The following NLGN1 variants were observed in gnomAD, a reference collection of about 807,000 sequenced individuals.
NLGN1 encodes neuroligin 1, also known as neuroligin-1.
In NLGN1, 12 loss-of-function variants were observed where a neutral mutation model predicts 65.5. The ratio of observed to expected loss-of-function variants is 0.18; its 90% CI spans 0.12 to 0.30. The LOEUF is 0.30. Among genes scored for constraint, NLGN1 ranks in the 10% least tolerant of loss-of-function variants. NLGN1 has a pLI of 1.00. For synonymous variants in NLGN1, 350 were observed against 359.5 expected (o/e 0.97, Z 0.30); for missense variants, 750 against 1,007.1 (o/e 0.74, Z 3.46).
At chr3:174,092,494 C>T (rs1464967612) in intron 4 of NLGN1, among the ~76,000 whole-genome samples, 1 of 150,470 alleles carries the variant, frequency 6.6e-6, no homozygotes, top group African/African-American at 2.5e-5. Context: ...ACACTTGTCA[C>T]AACAATTTGC....
intron 4 of NLGN1, among the ~76,000 whole-genome samples, chr3:174,023,164 A>G (rs1298996176): frequency 3.3e-5 from 5 of 152,168 alleles, no homozygotes; most frequent in African/African-American, 1.2e-4. Context: ...TCCCTGCTGC[A>G]GCTCACATTG....
In NLGN1 at chr3:173,939,822, C is replaced by T. The variant is rs373719957; in HGVS notation, c.646+131990C>T. Among the ~76,000 whole-genome samples, 16 of 151,988 alleles carry T rather than the reference C, an allele frequency of 1.1e-4. No individual in the cohort carries two copies. The East Asian group carries it at 2.9e-3, about 28-fold the overall frequency. ...TTGTTTTTGTTTTTGTTTTGCCTCG[C>T]TGATGCCTAAAATATCTAATCAAGA... On this transcript the variant is annotated intron_variant, in intron 4 of 6. Coordinates refer to ENST00000457714, the Ensembl canonical transcript of NLGN1.
chr3:173,445,259 C>T (rs1239072856), intron 2 of NLGN1, among the ~76,000 whole-genome samples: 1 of 106,894 alleles, frequency 9.4e-6, no homozygotes, highest in Non-Finnish European at 1.8e-5. Context: ...CAGAGCGAGA[C>T]TCCGTCTCAA....
rs184045038 is a variant in NLGN1 at position 174,122,426 on chromosome 3, T to C, written c.647-152889T>C. Among the ~76,000 whole-genome samples, 272 of 152,322 alleles carry C rather than the reference T, an allele frequency of 1.8e-3. 1 individual carries two copies. The highest frequency in any genetic ancestry group is 6.1e-3 in the African/African-American group (254 of 41,578). On this transcript the variant is annotated intron_variant, in intron 4 of 6. Coordinates refer to ENST00000457714, the Ensembl canonical transcript of NLGN1. ...GGAACTGTAACATTGCTGCACACTT[T>C]CTTGCTTTAACTGAAAGACAGGTTA... is the stretch of plus-strand genomic sequence containing the variant.
At chr3:174,128,984 C>G (rs148677856) in intron 4 of NLGN1, among the ~76,000 whole-genome samples, 1 of 152,044 alleles carries the variant, frequency 6.6e-6, no homozygotes, top group Non-Finnish European at 1.5e-5. Context: ...GAGAGCAGAA[C>G]GTTGCATCTG....
chr3:173,482,057 C>T (rs748328491), intron 2 of NLGN1, among the ~76,000 whole-genome samples: 26 of 151,910 alleles, frequency 1.7e-4, no homozygotes, highest in Non-Finnish European at 3.7e-4. Flanking sequence ...AATCCCTCTC[C>T]ACTCTCCCTA....
At chr3:173,452,639 A>G (rs1372235671) in intron 2 of NLGN1, among the ~76,000 whole-genome samples, 1 of 152,232 alleles carries the variant, frequency 6.6e-6, no homozygotes, top group South Asian at 2.1e-4. Flanking sequence ...TTATCATTCC[A>G]TAGTAGAGAC....
Position 173,635,023 on chromosome 3 carries a change from C to T in NLGN1, c.493+29932C>T, listed in dbSNP as rs1756357024. On this transcript the variant is annotated intron_variant, in intron 3 of 6. Coordinates refer to ENST00000457714, the Ensembl canonical transcript of NLGN1. Reference sequence around the variant, plus strand: ...ATTTTTAATCTCTTCTAAAATATAACACATGTAGCACATGTAAAAAAAAGT... The same window carrying T: ...ATTTTTAATCTCTTCTAAAATATAATACATGTAGCACATGTAAAAAAAAGT... Among the ~76,000 whole-genome samples, 3 of 152,140 alleles carry T rather than the reference C, an allele frequency of 2.0e-5. No homozygotes were observed. In the South Asian group the frequency reaches 6.2e-4, roughly 32 times the overall value.
At chr3:173,945,302 C>T (rs541543189) in intron 4 of NLGN1, among the ~76,000 whole-genome samples, 1 of 152,170 alleles carries the variant, frequency 6.6e-6, no homozygotes, top group South Asian at 2.1e-4. Context: ...TTTCCTCCTA[C>T]ACCTCTATCC....
chr3:174,080,953 G>T (rs1742052337), intron 4 of NLGN1, among the ~76,000 whole-genome samples: 1 of 151,404 alleles, frequency 6.6e-6, no homozygotes, highest in African/African-American at 2.4e-5. Flanking sequence ...GTGTGTGTGT[G>T]TGTGGTGATA....
chr3:174,032,890 G>A (rs1407799430), intron 4 of NLGN1, among the ~76,000 whole-genome samples: 1 of 151,890 alleles, frequency 6.6e-6, no homozygotes, highest in South Asian at 2.1e-4. Context: ...CCCCAACAGG[G>A]GTCAGAGATT....
intron 3 of NLGN1, among the ~76,000 whole-genome samples, chr3:173,775,162 T>C (rs1780123739): frequency 6.6e-6 from 1 of 152,192 alleles, no homozygotes. Context: ...TTATAAGAAA[T>C]ACTGGATTTA....
chr3:173,963,101 C>T (rs1464581892), intron 4 of NLGN1, among the ~76,000 whole-genome samples: 1 of 151,948 alleles, frequency 6.6e-6, no homozygotes, highest in Non-Finnish European at 1.5e-5. Context: ...GTGTTCCAGG[C>T]CTTTAAAATG....
intron 4 of NLGN1, among the ~76,000 whole-genome samples, chr3:174,059,826 G>A (rs1737010971): frequency 6.6e-6 from 1 of 152,104 alleles, no homozygotes; most frequent in Admixed American, 6.6e-5. Flanking sequence ...TATACGGCTA[G>A]CAAGTTTCTG....
rs563389664 is a variant in NLGN1 at position 174,268,316 on chromosome 3, A to G, written c.647-6999A>G. Among the ~76,000 whole-genome samples, 6 of 152,276 alleles carry G rather than the reference A, an allele frequency of 3.9e-5. No homozygotes were observed. The East Asian group carries it at 9.7e-4, about 25-fold the overall frequency. On this transcript the variant is annotated intron_variant, in intron 4 of 6. Coordinates refer to ENST00000457714, the Ensembl canonical transcript of NLGN1. Reference sequence around the variant, plus strand: ...AATACCAGGTTTGTTGTCCAGATGCATATAGACAGGAAGTACACAATAGCC... The same window carrying G: ...AATACCAGGTTTGTTGTCCAGATGCGTATAGACAGGAAGTACACAATAGCC...
chr3:174,019,224 A>G (rs1037102930), intron 4 of NLGN1, among the ~76,000 whole-genome samples: 2 of 152,162 alleles, frequency 1.3e-5, no homozygotes, highest in African/African-American at 2.4e-5. Flanking sequence ...CTCACATTTC[A>G]TGTATTGGAA....
intron 2 of NLGN1, among the ~76,000 whole-genome samples, chr3:173,457,882 A>G (rs1471069931): frequency 1.3e-5 from 2 of 152,074 alleles, no homozygotes; most frequent in African/African-American, 2.4e-5. Flanking sequence ...AAGTAGAAGC[A>G]TGTATTTTGC....
Position 174,126,728 on chromosome 3 carries a change from A to G in NLGN1, c.647-148587A>G, listed in dbSNP as rs567100934. Among the ~76,000 whole-genome samples, 3 of 152,224 alleles carry G rather than the reference A, an allele frequency of 2.0e-5. No individual in the cohort carries two copies. In the South Asian group the frequency reaches 6.2e-4, roughly 32 times the overall value. ...ATATTGGAAAACTAGACCCTTGAAA[A>G]TCACCAACTACTGGAGGACAACTTC... is the stretch of plus-strand genomic sequence containing the variant. On this transcript the variant is annotated intron_variant, in intron 4 of 6. Transcript: ENST00000457714.
At chr3:173,824,263 A>G (rs1433228863) in intron 4 of NLGN1, among the ~76,000 whole-genome samples, 1 of 152,140 alleles carries the variant, frequency 6.6e-6, no homozygotes, top group Non-Finnish European at 1.5e-5. Context: ...CTTACAGCCA[A>G]AAGGAAAAAA....
Sources: gnomAD v4.1 joint callset for allele counts (sites outside exome capture counted in the v4.1 genomes callset) on GRCh38, gnomAD v4.1.1 for gene constraint, MANE v1.5 for transcripts, NCBI Gene and HGNC (gene_info 2026-07-23, HGNC 2026-07-21) for gene names.